IP6K2: variants seen among roughly 807,000 people sequenced by gnomAD.
The protein encoded by IP6K2 is ATP:1D-myo-inositol-hexakisphosphate phosphotransferase.
IP6K2 carries 9 observed loss-of-function variants against 43.3 expected under a neutral mutation model. The observed-to-expected ratio is 0.21, with a 90% CI of 0.13 to 0.36. IP6K2 has a LOEUF of 0.36. IP6K2 is among the 10% of genes least tolerant of loss of function. The pLI is 1.00. For missense variants in IP6K2, 332 were observed against 538.4 expected (o/e 0.62, Z 3.79); for synonymous variants, 209 against 202.4 (o/e 1.03, Z -0.28).
chr3:48,694,799 T>C, intron 2 of IP6K2: 5 of 1,536,054 alleles, frequency 3.3e-6, no homozygotes, highest in Non-Finnish European at 4.4e-6. Flanking sequence ...AGTGGGGGAC[T>C]ATGGGTTACT....
At chr3:48,697,453 G>A (rs1237383288) in intron 1 of IP6K2, among the ~76,000 whole-genome samples, 1 of 142,316 alleles carries the variant, frequency 7.0e-6, no homozygotes, top group Non-Finnish European at 1.5e-5. Context: ...AACCTCCCAA[G>A]TAGCTGGGAC....
At chr3:48,693,989 ACAAAC>A in intron 2 of IP6K2, 35 of 1,377,424 alleles carry the variant, frequency 2.5e-5, no homozygotes, top group South Asian at 1.4e-4. Flanking sequence ...CGAGCGCCTT[ACAAAC>A]GACTGGCTGA....
rs2077494762 is a variant in IP6K2, at chr3:48,688,088, T to C, written c.*185A>G. On this transcript the variant is annotated 3_prime_UTR_variant, in exon 6 of 6. Transcript: ENST00000328631. The surrounding 1 kb of genome is among the most constrained non-coding windows in gnomAD (Gnocchi z 5.1). ...CATCAAATGTGGAATGTTGAAGAAATAGTTAAAATAAATAAAGACTCCAAG... is the reference window on the plus strand; with the variant it reads ...CATCAAATGTGGAATGTTGAAGAAACAGTTAAAATAAATAAAGACTCCAAG... The C allele has an allele frequency of 2.4e-5, 15 of 630,170 alleles. No homozygotes were observed. The highest frequency in any genetic ancestry group is 2.1e-4 in the South Asian group (11 of 51,198). The allele number at this position is 630,170 out of a possible 1,614,324, so 39.0% of individuals were successfully genotyped here.
chr3:48,704,013 ACCC>A (rs902881590), intron 1 of IP6K2, among the ~76,000 whole-genome samples: 8 of 152,002 alleles, frequency 5.3e-5, no homozygotes, highest in African/African-American at 1.9e-4. Context: ...AATTGCTTGA[ACCC>A]AGGAGGCAGA....
intron 1 of IP6K2, among the ~76,000 whole-genome samples, chr3:48,706,346 A>C (rs1463222079): frequency 6.6e-6 from 1 of 152,184 alleles, no homozygotes; most frequent in East Asian, 1.9e-4. Flanking sequence ...GCTACTCAGG[A>C]GGCTGAGGCA....
chr3:48,691,999 A>G (rs2077842350), intron 3 of IP6K2, among the ~76,000 whole-genome samples: 1 of 151,918 alleles, frequency 6.6e-6, no homozygotes. Flanking sequence ...CACCGGGCTA[A>G]TTTTTGTATT....
chr3:48,705,873 A>T (rs1404000443), intron 1 of IP6K2, among the ~76,000 whole-genome samples: 1 of 140,154 alleles, frequency 7.1e-6, no homozygotes, highest in African/African-American at 2.6e-5. Context: ...AAAATAAAAA[A>T]AATAAAAAAA....
intron 1 of IP6K2, among the ~76,000 whole-genome samples, chr3:48,701,532 A>T (rs2079034299): frequency 8.1e-6 from 1 of 123,572 alleles, no homozygotes; most frequent in East Asian, 2.6e-4. Flanking sequence ...GTGCCAGTGC[A>T]CTCCAGCCTG....
At chr3:48,707,595 C>A (rs1013925865) in intron 1 of IP6K2, among the ~76,000 whole-genome samples, 1 of 152,178 alleles carries the variant, frequency 6.6e-6, no homozygotes, top group East Asian at 1.9e-4. Context: ...CCACCACGCC[C>A]GGCTAATTTT....
At chr3:48,708,919 C>A (rs1350335527) in intron 1 of IP6K2, among the ~76,000 whole-genome samples, 1 of 152,096 alleles carries the variant, frequency 6.6e-6, no homozygotes, top group Non-Finnish European at 1.5e-5. Flanking sequence ...CAAAAAATAA[C>A]CAGCCAGGTG....
intron 4 of IP6K2, among the ~76,000 whole-genome samples, chr3:48,690,374 G>A (rs986171973): frequency 9.2e-5 from 14 of 152,164 alleles, no homozygotes; most frequent in Non-Finnish European, 4.4e-5. Flanking sequence ...GGTGGCTCAC[G>A]CCTGTTATCC....
At chr3:48,701,912 TA>T (rs1457981516) in intron 1 of IP6K2, among the ~76,000 whole-genome samples, 3 of 151,724 alleles carry the variant, frequency 2.0e-5, no homozygotes, top group African/African-American at 7.3e-5. Context: ...AATAAATAAA[TA>T]AAAATAAATC....
In IP6K2 at chr3:48,695,550, G is replaced by A; in HGVS notation, c.-130-129C>T. 8.3e-7 allele frequency: 1 copy of A among 1,209,916 alleles called. No individual in the cohort carries two copies. The highest frequency in any genetic ancestry group is 1.0e-6 in the Non-Finnish European group (1 of 955,514). The allele number at this position is 1,209,916 out of a possible 1,614,324, so 74.9% of individuals were successfully genotyped here. A position where few individuals can be genotyped will look rare whatever the true frequency, so the allele number is the denominator to read the frequency against. On this transcript the variant is annotated intron_variant, in intron 1 of 5. Coordinates refer to ENST00000328631, the MANE Select transcript of IP6K2 (RefSeq NM_016291.4). This position sits in a 1 kb window ranked among gnomAD's most constrained non-coding sequence, Gnocchi z 4.6. Reference sequence around the variant, plus strand: ...TGAGTTCTTGCGGGACTCCGCCCATGCCACCCACCTTGGCCCCCGCCTTCT... The same window carrying A: ...TGAGTTCTTGCGGGACTCCGCCCATACCACCCACCTTGGCCCCCGCCTTCT...
chr3:48,710,363 G>A (rs2080341873), intron 1 of IP6K2, among the ~76,000 whole-genome samples: 1 of 152,198 alleles, frequency 6.6e-6, no homozygotes, highest in African/African-American at 2.4e-5. Context: ...CTGCACTCTA[G>A]CCTGGGTGAC....
At chr3:48,694,568 T>C (rs1463276728) in intron 2 of IP6K2, 1 of 1,524,002 alleles carries the variant, frequency 6.6e-7, no homozygotes, top group African/African-American at 1.4e-5. Context: ...TTATCATATG[T>C]GAATCGAAGG....
At chr3:48,694,023 C>G in intron 2 of IP6K2, 1 of 1,401,274 alleles carries the variant, frequency 7.1e-7, no homozygotes, top group South Asian at 1.7e-5. Context: ...CCTCCCAGGC[C>G]TCTCTGCCCC....
chr3:48,699,080 A>T (rs1218799054), intron 1 of IP6K2, among the ~76,000 whole-genome samples: 1 of 152,120 alleles, frequency 6.6e-6, no homozygotes, highest in Non-Finnish European at 1.5e-5. Flanking sequence ...AATAAACAAA[A>T]ACAGTCCTTC....
In IP6K2 at chr3:48,704,922, G is replaced by A. The variant is rs184867197; in HGVS notation, c.-130-9501C>T. ...CGAGTAGCTGAGATTACAAGCACGC[G>A]CCACTGTGCCCGGCTAATTTTTCTA... On this transcript the variant is annotated intron_variant, in intron 1 of 5. Coordinates refer to ENST00000328631, the MANE Select transcript of IP6K2 (RefSeq NM_016291.4). Among the ~76,000 whole-genome samples, 584 of 151,788 alleles carry A rather than the reference G, an allele frequency of 3.8e-3. 5 individuals carry two copies. Among genetic ancestry groups the A allele is most frequent in the African/African-American group, 0.013 (556 of 41,404 alleles).
At chr3:48,704,143 A>G (rs1268039726) in intron 1 of IP6K2, among the ~76,000 whole-genome samples, 3 of 152,182 alleles carry the variant, frequency 2.0e-5, no homozygotes, top group Non-Finnish European at 4.4e-5. Flanking sequence ...ACTAAAAAGC[A>G]TTTTTAGTAA....
Sources: gnomAD v4.1 joint callset for allele counts (sites outside exome capture counted in the v4.1 genomes callset) on GRCh38, gnomAD v4.1.1 for gene constraint, Gnocchi (gnomAD v3.1) non-coding constraint, MANE v1.5 for transcripts, NCBI Gene and HGNC (gene_info 2026-07-23, HGNC 2026-07-21) for gene names.